RNLS: variants seen among roughly 807,000 people sequenced by gnomAD.
RNLS encodes the protein renalase.
Under a neutral mutation model 39.8 loss-of-function variants are expected in RNLS, and 39 were observed. The ratio of observed to expected loss-of-function variants is 0.98; its 90% confidence interval spans 0.76 to 1.28. The LOEUF (loss-of-function observed/expected upper bound fraction) is 1.28, where lower values mean the gene tolerates loss of function less well. Among genes scored for constraint, RNLS ranks in the 50% most tolerant of loss-of-function variants. RNLS has a pLI of 0.00. For synonymous variants in RNLS, 147 were observed against 150.7 expected, an observed-to-expected ratio of 0.98 and a Z score of 0.18; for missense variants, 410 against 413.3, an observed-to-expected ratio of 0.99 and a Z score of 0.07.
intron 4 of RNLS, among the ~76,000 whole-genome samples, chr10:88,406,148 T>C (rs1018708042): frequency 6.6e-6 from 1 of 152,128 alleles, no homozygotes; most frequent in Non-Finnish European, 1.5e-5. Context: ...GTCTCATAGC[T>C]CTTAAAATTC....
chr10:88,474,637 T>C (rs1217354280), intron 4 of RNLS, among the ~76,000 whole-genome samples: 1 of 152,110 alleles, frequency 6.6e-6, no homozygotes, highest in Non-Finnish European at 1.5e-5. Context: ...GTTAAGAAAA[T>C]GTGTTGAGGT....
At chr10:88,462,034 T>A (rs895207618) in intron 4 of RNLS, among the ~76,000 whole-genome samples, 2 of 152,090 alleles carry the variant, frequency 1.3e-5, no homozygotes, top group Admixed American at 1.3e-4. Flanking sequence ...TAAGAATTTG[T>A]CAAATAGTTG....
intron 4 of RNLS, among the ~76,000 whole-genome samples, chr10:88,470,585 G>T (rs1477528915): frequency 2.6e-5 from 4 of 151,132 alleles, no homozygotes; most frequent in Admixed American, 6.6e-5. Context: ...TATAAAAATG[G>T]TAACATACTA....
intron 5 of RNLS, among the ~76,000 whole-genome samples, chr10:88,328,600 T>C (rs1281243817): frequency 5.3e-5 from 8 of 152,192 alleles, no homozygotes. Context: ...ATCTTGGAAA[T>C]TATATAGTTA....
intron 4 of RNLS, among the ~76,000 whole-genome samples, chr10:88,380,929 C>A (rs900395594): frequency 1.3e-5 from 2 of 152,102 alleles, no homozygotes; most frequent in African/African-American, 4.8e-5. Flanking sequence ...GAAATGCCTC[C>A]TTTATGAACT....
intron 4 of RNLS, among the ~76,000 whole-genome samples, chr10:88,483,380 A>G (rs1465397320): frequency 6.6e-6 from 1 of 152,142 alleles, no homozygotes; most frequent in African/African-American, 2.4e-5. Flanking sequence ...TCCAGGCCTT[A>G]GCACACAGTA....
intron 4 of RNLS, among the ~76,000 whole-genome samples, chr10:88,476,753 T>A (rs2134000075): frequency 6.6e-6 from 1 of 152,272 alleles, no homozygotes; most frequent in African/African-American, 2.4e-5. Context: ...ATGGTCAAAT[T>A]CTTTTCATTA....
intron 4 of RNLS, among the ~76,000 whole-genome samples, chr10:88,529,272 T>C (rs543065505): frequency 2.6e-5 from 4 of 152,308 alleles, no homozygotes; most frequent in South Asian, 4.1e-4. Flanking sequence ...TTTGATCTGC[T>C]TCTCCCTACC....
intron 5 of RNLS, among the ~76,000 whole-genome samples, chr10:88,326,960 G>T (rs11597676): frequency 1.4e-4 from 21 of 152,164 alleles, no homozygotes; most frequent in Non-Finnish European, 2.8e-4. Flanking sequence ...TGCCCTGCTG[G>T]GTTTTAGACT....
the RNLS span, among the ~76,000 whole-genome samples, chr10:88,232,849 G>T: frequency 1.1e-4 from 16 of 152,310 alleles, no homozygotes; most frequent in East Asian, 3.1e-3. Context: ...ATTCCAGGTG[G>T]CACTTGTAAT....
At chr10:88,469,827 G>A (rs1024162790) in intron 4 of RNLS, among the ~76,000 whole-genome samples, 7 of 55,048 alleles carry the variant, frequency 1.3e-4, no homozygotes, top group South Asian at 6.4e-4. Context: ...GTGTGCGTGT[G>A]TGTGTGTGTG....
the RNLS span, among the ~76,000 whole-genome samples, chr10:88,174,861 G>T: frequency 6.6e-6 from 1 of 152,284 alleles, no homozygotes; most frequent in South Asian, 2.1e-4. Context: ...AAGTTTGCTA[G>T]AATTCAAAAG....
rs1178588216 is a variant in RNLS at position 88,314,609 on chromosome 10, G to A, written c.733C>T (p.His245Tyr). The change falls in exon 6 of 7, where the codon CAC (histidine) becomes TAC (tyrosine). Residue 245 changes from histidine to tyrosine, a missense_variant. Transcript: ENST00000331772. ...SSEIGPSLVI[H>Y]TTVPFGVTYL... ...GTAACTCCAAATGGGACAGTGGTGT[G>A]AATCACGAGGGAAGGCCCAATTTCT... 18 of 1,613,410 alleles carry A rather than the reference G, an allele frequency of 1.1e-5. No homozygotes were observed. Among genetic ancestry groups the A allele is most frequent in the Admixed American group, 1.7e-5 (1 of 59,952 alleles).
the RNLS span, among the ~76,000 whole-genome samples, chr10:88,216,462 CCT>C: frequency 6.6e-6 from 1 of 152,178 alleles, no homozygotes; most frequent in African/African-American, 2.4e-5. Flanking sequence ...AATATAATGA[CCT>C]CCCAGAAGCA....
downstream of RNLS, among the ~76,000 whole-genome samples, chr10:88,273,430 C>T (rs1842706211): frequency 6.6e-6 from 1 of 152,154 alleles, no homozygotes; most frequent in Non-Finnish European, 1.5e-5. Context: ...ATCCTGTATT[C>T]TTGACTTAGC....
intron 4 of RNLS, among the ~76,000 whole-genome samples, chr10:88,427,694 TAGA>T (rs1854873898): frequency 6.6e-6 from 1 of 151,950 alleles, no homozygotes; most frequent in Admixed American, 6.6e-5. Context: ...AACAACTCCA[TAGA>T]ACAGAGAGAA....
At chr10:88,319,267 A>G (rs894795960) in intron 5 of RNLS, among the ~76,000 whole-genome samples, 1 of 152,210 alleles carries the variant, frequency 6.6e-6, no homozygotes, top group Non-Finnish European at 1.5e-5. Context: ...AAAGAATTAC[A>G]AAATGTAAAA....
At chr10:88,250,441 T>A in the RNLS span, among the ~76,000 whole-genome samples, 1 of 152,106 alleles carries the variant, frequency 6.6e-6, no homozygotes, top group South Asian at 2.1e-4. Context: ...GCCTGGCAGG[T>A]AAATGAATGA....
intron 5 of RNLS, among the ~76,000 whole-genome samples, chr10:88,316,332 A>T (rs1217752425): frequency 6.6e-6 from 1 of 152,176 alleles, no homozygotes; most frequent in Non-Finnish European, 1.5e-5. Context: ...GGAAAATCTC[A>T]ATTTCTTTCA....
Sources: allele counts gnomAD v4.1 joint callset (sites outside exome capture counted in the v4.1 genomes callset), GRCh38; gene constraint gnomAD v4.1.1; transcripts MANE v1.5; gene names NCBI Gene and HGNC (gene_info 2026-07-23, HGNC 2026-07-21).